TNFAIP8: variants seen among roughly 807,000 people sequenced by gnomAD.
The protein encoded by TNFAIP8 is TNF alpha induced protein 8, also known as tumor necrosis factor alpha-induced protein 8.
TNFAIP8 carries 7 observed loss-of-function variants against 13.3 expected under a neutral mutation model. The ratio of observed to expected loss-of-function variants is 0.52; its 90% CI spans 0.30 to 0.99. The LOEUF (loss-of-function observed/expected upper bound fraction) is 0.99. TNFAIP8 is among the 50% of genes least tolerant of loss of function. The pLI is 0.07. For missense variants in TNFAIP8, 258 were observed against 236.9 expected (o/e 1.09, Z -0.58); for synonymous variants, 94 against 87.6 (o/e 1.07, Z -0.41).
rs114008429 is a variant in TNFAIP8, at chr5:119,271,557, G to C, written c.1+2650G>C. Among the ~76,000 whole-genome samples, 816 of 152,286 alleles carry C rather than the reference G, an allele frequency of 5.4e-3. 12 individuals are homozygous for C. Among genetic ancestry groups the C allele is most frequent in the African/African-American group, 0.019 (775 of 41,552 alleles). On this transcript the variant is annotated intron_variant, in intron 1 of 1. Coordinates refer to the TNFAIP8 transcript ENST00000274456. The stretch of plus-strand genomic sequence containing the variant: ...AAAATGGGATAACCTCCAGGAGACG[G>C]GAGAAGCAGTGATGATAAATAAGGG...
Position 119,392,962 on chromosome 5 carries a change from G to A in TNFAIP8, c.178G>A (p.Glu60Lys). The A allele has an allele frequency of 1.2e-6, 2 of 1,611,624 alleles. No individual in the cohort carries two copies. Among genetic ancestry groups the A allele is most frequent in the African/African-American group, 1.3e-5 (1 of 74,964 alleles). Residue 60 changes from glutamate to lysine, a missense_variant, in exon 2 of 2, where the codon GAG becomes AAG. Coordinates refer to ENST00000504771, the MANE Select transcript of TNFAIP8 (RefSeq NM_014350.4). ...VLDELYRVTR[E>K]YTQNKKEAEK... Reference sequence around the variant, plus strand: ...GGATGAGCTCTACAGAGTGACCAGGGAGTACACCCAAAACAAGAAGGAGGC... The same window carrying A: ...GGATGAGCTCTACAGAGTGACCAGGAAGTACACCCAAAACAAGAAGGAGGC...
At chr5:119,276,703 G>T (rs559119056) in intron 1 of TNFAIP8, among the ~76,000 whole-genome samples, 2 of 152,088 alleles carry the variant, frequency 1.3e-5, no homozygotes, top group Admixed American at 6.6e-5. Context: ...TTCATAGAGT[G>T]CCAGTCATAT....
At chr5:119,292,073 G>C (rs1395575290) in intron 1 of TNFAIP8, among the ~76,000 whole-genome samples, 2 of 152,168 alleles carry the variant, frequency 1.3e-5, no homozygotes, top group African/African-American at 4.8e-5. Context: ...CAGAATGCCA[G>C]GAAGGCTCAG....
chr5:119,349,907 G>A (rs1751054302), intron 1 of TNFAIP8, among the ~76,000 whole-genome samples: 1 of 152,196 alleles, frequency 6.6e-6, no homozygotes, highest in Non-Finnish European at 1.5e-5. Flanking sequence ...GATTTTATAG[G>A]AACAGTTTAA....
intron 1 of TNFAIP8, among the ~76,000 whole-genome samples, chr5:119,326,438 G>A (rs144668515): frequency 1.4e-4 from 21 of 152,292 alleles, no homozygotes; most frequent in Non-Finnish European, 2.2e-4. Context: ...AGGAAAGCAG[G>A]TGAGCAGAGG....
At chr5:119,346,239 A>G (rs912695867) in intron 1 of TNFAIP8, among the ~76,000 whole-genome samples, 4 of 152,180 alleles carry the variant, frequency 2.6e-5, no homozygotes, top group African/African-American at 9.7e-5. Context: ...ACCGAGAGGG[A>G]TGCCAGTGGA....
rs758294741 is a variant in TNFAIP8 at position 119,393,048 on chromosome 5, T to C, written c.264T>C (p.Asn88=). ...TVIKLAILYR[N]NQFNQDELAL... ...TCAAGCTGGCCATTCTTTATAGGAATAATCAGTTTAATCAAGATGAGCTAG... is the reference window on the plus strand; with the variant it reads ...TCAAGCTGGCCATTCTTTATAGGAACAATCAGTTTAATCAAGATGAGCTAG... The change falls in exon 2 of 2, where the codon AAT becomes AAC. Residue 88 remains asparagine, a synonymous_variant. Coordinates refer to ENST00000504771, the MANE Select transcript of TNFAIP8 (RefSeq NM_014350.4). The C allele has an allele frequency of 7.4e-6, 12 of 1,613,580 alleles. No individual in the cohort carries two copies. In the African/African-American group the frequency reaches 1.5e-4, roughly 20 times the overall value.
At chr5:119,303,723 G>A (rs920809384) in intron 1 of TNFAIP8, among the ~76,000 whole-genome samples, 3 of 152,168 alleles carry the variant, frequency 2.0e-5, no homozygotes, top group Non-Finnish European at 4.4e-5. Flanking sequence ...GACAGAGAGA[G>A]CCTCTTCCAA....
chr5:119,274,018 A>G (rs1748368252), intron 1 of TNFAIP8, among the ~76,000 whole-genome samples: 1 of 152,132 alleles, frequency 6.6e-6, no homozygotes, highest in South Asian at 2.1e-4. Flanking sequence ...TCATTTGTTT[A>G]ACAAAATGAG....
In TNFAIP8 at chr5:119,274,196, A is replaced by T. The variant is rs117558626; in HGVS notation, c.1+5289A>T. On this transcript the variant is annotated intron_variant, in intron 1 of 1. Transcript: ENST00000274456. ...TCACACACATGCAGACACGAAAAAA[A>T]ATGCCAGTCTTCTGAGAAAAAAATG... 6.6e-5 allele frequency among the ~76,000 whole-genome samples: 10 copies of T among 152,302 alleles called. No homozygotes were observed. In the East Asian group the frequency reaches 1.9e-3, roughly 29 times the overall value.
intron 1 of TNFAIP8, among the ~76,000 whole-genome samples, chr5:119,392,345 G>A (rs1752924072): frequency 1.3e-5 from 2 of 152,066 alleles, no homozygotes; most frequent in Non-Finnish European, 1.5e-5. Flanking sequence ...CTTTTAAATC[G>A]CTTGTGGTTG....
At chr5:119,335,026 C>T (rs1750507334) in intron 1 of TNFAIP8, among the ~76,000 whole-genome samples, 1 of 152,026 alleles carries the variant, frequency 6.6e-6, no homozygotes, top group Non-Finnish European at 1.5e-5. Context: ...TGAAAATAGC[C>T]AGGCTAGAAG....
chr5:119,391,793 T>C (rs1387097438), intron 1 of TNFAIP8, among the ~76,000 whole-genome samples: 2 of 150,240 alleles, frequency 1.3e-5, no homozygotes, highest in Non-Finnish European at 3.0e-5. Context: ...GCTACATGCA[T>C]GGAGTGGGGA....
intron 1 of TNFAIP8, among the ~76,000 whole-genome samples, chr5:119,363,454 T>C (rs1436482739): frequency 6.6e-6 from 1 of 152,218 alleles, no homozygotes; most frequent in Non-Finnish European, 1.5e-5. Flanking sequence ...CAAGTCCTAG[T>C]TGCCAGTAGA....
chr5:119,320,319 T>C (rs1750017025), intron 1 of TNFAIP8, among the ~76,000 whole-genome samples: 2 of 152,228 alleles, frequency 1.3e-5, no homozygotes, highest in African/African-American at 4.8e-5. Flanking sequence ...ATATTCTTTC[T>C]CTTGCACATC....
intron 1 of TNFAIP8, among the ~76,000 whole-genome samples, chr5:119,271,281 A>G (rs1025005309): frequency 2.6e-5 from 4 of 152,228 alleles, no homozygotes; most frequent in Admixed American, 6.5e-5. Context: ...GTGGATTTCT[A>G]TGTGACTTAC....
intron 1 of TNFAIP8, among the ~76,000 whole-genome samples, chr5:119,299,735 G>A (rs545770239): frequency 2.6e-5 from 4 of 152,322 alleles, no homozygotes; most frequent in Admixed American, 1.3e-4. Flanking sequence ...AGGCAGGCAG[G>A]CCTCCTTGAG....
intron 1 of TNFAIP8, among the ~76,000 whole-genome samples, chr5:119,382,847 A>G (rs1338328055): frequency 6.6e-6 from 1 of 152,232 alleles, no homozygotes; most frequent in Non-Finnish European, 1.5e-5. Flanking sequence ...TGCATCTGAT[A>G]ATTGTGAATT....
chr5:119,347,390 C>A (rs553160627), intron 1 of TNFAIP8, among the ~76,000 whole-genome samples: 2 of 152,224 alleles, frequency 1.3e-5, no homozygotes, highest in Admixed American at 1.3e-4. Flanking sequence ...TGGGGCTTTG[C>A]TAAGTTCAGT....
Sources: allele counts gnomAD v4.1 joint callset (sites outside exome capture counted in the v4.1 genomes callset), GRCh38; gene constraint gnomAD v4.1.1; transcripts MANE v1.5; gene names NCBI Gene and HGNC (gene_info 2026-07-23, HGNC 2026-07-21).